Variants in IGFLR1 observed in about 807,000 individuals in gnomAD.
IGFLR1 encodes the protein IGF-like family receptor 1.
Under a neutral mutation model 23.4 loss-of-function variants are expected in IGFLR1, and 17 were observed. That is an observed-to-expected ratio of 0.73 (90% CI 0.50 to 1.09). IGFLR1 has a LOEUF of 1.09. IGFLR1 is among the 50% of genes least tolerant of loss of function. The probability of loss-of-function intolerance (pLI) is 0.00; values close to 1 mark genes in which losing one functional copy is unlikely to be tolerated. For synonymous variants in IGFLR1, 265 were observed against 210.7 expected (o/e 1.26, Z -2.23); for missense variants, 556 against 459.2 (o/e 1.21, Z -1.93).
In IGFLR1 at chr19:35,740,458, T is replaced by C. The variant is rs1336903173; in HGVS notation, c.264A>G (p.Leu88=). The C allele has an allele frequency of 1.2e-6, 2 of 1,612,846 alleles. No homozygotes were observed. The highest frequency in any genetic ancestry group is 8.5e-7 in the Non-Finnish European group (1 of 1,179,814). ...SGQCNPDGAE[L]CSPCGGGAVT... is the part of the protein sequence containing the mutation. ...CGGCTCCGCCGCCGCAGGGGCTACA[T>C]AGCTCCGCGCCGTCGGGGTTGCACT... Residue 88 remains leucine, a synonymous_variant, in exon 3 of 5, where the codon CTA becomes CTG. Transcript: ENST00000246532.
chr19:35,739,955 G>A lies in IGFLR1; in HGVS notation c.476C>T (p.Pro159Leu), dbSNP rs762564733. 6.2e-7 allele frequency: 1 copy of A among 1,614,154 alleles called. No homozygotes were observed. The highest frequency in any genetic ancestry group is 1.3e-5 in the African/African-American group (1 of 75,044). ...TPEPVPQQAW[P>L]NFLPLVVLVL... ...CAGCACCACGAGCGGAAGGAAATTC[G>A]GCCAGGCCTGCTGAGGGACAGGCTC... is the stretch of plus-strand genomic sequence containing the variant. The change falls in exon 4 of 5, where the codon CCG (proline) becomes CTG (leucine). Residue 159 changes from proline to leucine, a missense_variant. Coordinates refer to ENST00000246532, the MANE Select transcript of IGFLR1 (RefSeq NM_024660.4).
Position 35,739,786 on chromosome 19 carries a change from C to G in IGFLR1, c.645G>C (p.Ser215=), listed in dbSNP as rs191751735. The change falls in exon 4 of 5, where the codon TCG becomes TCC. Residue 215 remains serine, a synonymous_variant. Coordinates refer to ENST00000246532, the MANE Select transcript of IGFLR1 (RefSeq NM_024660.4). Reference sequence around the variant, plus strand: ...CCAGGGCGCCTGGGGAGGACAGATGCGAGGAGGAAGGGGTGTGGGTGTTGG... The same window carrying G: ...CCAGGGCGCCTGGGGAGGACAGATGGGAGGAGGAAGGGGTGTGGGTGTTGG... ...GVPNTHTPSS[S]HLSSPGALET... 26 of 1,572,992 alleles carry G rather than the reference C, an allele frequency of 1.7e-5. No homozygotes were observed. The highest frequency in any genetic ancestry group is 1.7e-4 in the Middle Eastern group (1 of 5,888).
chr19:35,740,549 T>C lies in IGFLR1; in HGVS notation c.173A>G (p.Glu58Gly). The part of the protein sequence containing the change: ...PPPCPDYEFR[E>G]NCGLNDHGDF... ...GCCGTGGTCATTGAGTCCGCAGTTT[T>C]CCCGGAACTCATAGTCTAGCGGGAA... is the stretch of plus-strand genomic sequence containing the variant. The change falls in exon 3 of 5, where the codon GAA becomes GGA. Residue 58 changes from glutamate to glycine, a missense_variant. Transcript: ENST00000246532. 6.2e-7 allele frequency: 1 copy of C among 1,607,330 alleles called. No homozygotes were observed.
In IGFLR1 at chr19:35,739,086, T is replaced by C. The variant is rs1349554059; in HGVS notation, c.*194A>G. ...AGCAGGGTTGTTTCCCAGAGGGGAT[T>C]CTGGTGGCCCAGAGGCACCTGGGGT... is the stretch of plus-strand genomic sequence containing the variant. On this transcript the variant is annotated 3_prime_UTR_variant, in exon 5 of 5. Transcript: ENST00000246532. The C allele has an allele frequency of 6.7e-6, 4 of 597,144 alleles. No homozygotes were observed. The highest frequency in any genetic ancestry group is 1.2e-5 in the Non-Finnish European group (4 of 342,492). The allele number at this position is 597,144 out of a possible 1,614,324, so 37.0% of individuals were successfully genotyped here.
chr19:35,739,638 G>A lies in IGFLR1; in HGVS notation c.722-12C>T, dbSNP rs373247998. ...CAGACTGGACAGTTCTGGAAGAAAG[G>A]GGAAGGGTAAAGGTGCGGAAGAGCG... On this transcript the variant is annotated splice_polypyrimidine_tract_variant and intron_variant, in intron 4 of 4. Coordinates refer to ENST00000246532, the MANE Select transcript of IGFLR1 (RefSeq NM_024660.4). 1.2e-4 allele frequency: 192 copies of A among 1,603,542 alleles called. No homozygotes were observed. Among genetic ancestry groups the A allele is most frequent in the Admixed American group, 5.0e-4 (30 of 59,572 alleles).
intron 1 of IGFLR1, chr19:35,741,548 G>C (rs993048912): frequency 4.0e-6 from 1 of 251,862 alleles, no homozygotes; most frequent in African/African-American, 2.4e-5. Flanking sequence ...GCTGGGTGTG[G>C]TGGCTCATGC....
chr19:35,740,476 G>C lies in IGFLR1; in HGVS notation c.246C>G (p.Asn82Lys), dbSNP rs1970149567. The change falls in exon 3 of 5, where the codon AAC becomes AAG. Residue 82 changes from asparagine (N) to lysine (K), a missense_variant. Transcript: ENST00000246532. ...GGCTACATAGCTCCGCGCCGTCGGG[G>C]TTGCACTGCCCAGAAGAACACTTTC... ...PFRKCSSGQC[N>K]PDGAELCSPC... is the part of the protein sequence containing the mutation. 1 of 1,612,950 alleles carries C rather than the reference G, an allele frequency of 6.2e-7. No homozygotes were observed. The highest frequency in any genetic ancestry group is 1.7e-5 in the Admixed American group (1 of 59,978).
intron 1 of IGFLR1, among the ~76,000 whole-genome samples, chr19:35,742,182 A>G (rs1014176156): frequency 1.3e-5 from 2 of 152,212 alleles, no homozygotes; most frequent in African/African-American, 4.8e-5. Context: ...AGTGTAAGGC[A>G]TTACTAACTC....
chr19:35,741,817 A>AAAAAAAACTGGCCG (rs1970258113), intron 1 of IGFLR1, among the ~76,000 whole-genome samples: 1 of 148,930 alleles, frequency 6.7e-6, no homozygotes, highest in South Asian at 2.1e-4. Flanking sequence ...CTCTAAAAAC[A>AAAAAAAACTGGCCG]AAAAAAACTG....
chr19:35,740,807 T>C (rs1469449514), intron 2 of IGFLR1: 36 of 639,672 alleles, frequency 5.6e-5, no homozygotes, highest in Non-Finnish European at 9.3e-5. Context: ...ACGCGGCCCC[T>C]ATCCCGCCTC....
chr19:35,741,407 T>G, intron 1 of IGFLR1, 184 bp from the exon 2 acceptor site: 1 of 596,472 alleles, frequency 1.7e-6, no homozygotes, highest in Non-Finnish European at 3.0e-6. Flanking sequence ...ATTGCAAGAA[T>G]GCATATCCCA....
intron 2 of IGFLR1, chr19:35,740,799 G>T: frequency 1.6e-6 from 1 of 631,564 alleles, no homozygotes; most frequent in African/African-American, 1.8e-5. Flanking sequence ...CCCTTTCCAC[G>T]CGGCCCCTAT....
chr19:35,739,627 C>A lies in IGFLR1; in HGVS notation c.722-1G>T, dbSNP rs369993907. 6.2e-7 allele frequency: 1 copy of A among 1,606,408 alleles called. No individual in the cohort carries two copies. Among genetic ancestry groups the A allele is most frequent in the African/African-American group, 1.3e-5 (1 of 74,758 alleles). Reference sequence around the variant, plus strand: ...GGTTGTGACGCCAGACTGGACAGTTCTGGAAGAAAGGGGAAGGGTAAAGGT... The same window carrying A: ...GGTTGTGACGCCAGACTGGACAGTTATGGAAGAAAGGGGAAGGGTAAAGGT... On this transcript the variant is annotated splice_acceptor_variant, in intron 4 of 4. Transcript: ENST00000246532. LOFTEE classifies it high-confidence loss of function.
Position 35,739,309 on chromosome 19 carries a change from G to T in IGFLR1, c.1039C>A (p.Leu347Ile). Residue 347 changes from leucine to isoleucine, a missense_variant, in exon 5 of 5, where the codon CTT becomes ATT. Transcript: ENST00000246532. ...GCCCAGCAAACCCCAGATGAGCCAA[G>T]CTTGGACAGCACCCGCAATGCATCT... is the stretch of plus-strand genomic sequence containing the variant. ...RADALRVLSK[L>I]GSSGVCWA 1 of 1,604,264 alleles carries T rather than the reference G, an allele frequency of 6.2e-7. No individual in the cohort carries two copies. Among genetic ancestry groups the T allele is most frequent in the East Asian group, 2.2e-5 (1 of 44,558 alleles).
chr19:35,740,373 T>C lies in IGFLR1; in HGVS notation c.342+7A>G. 1.3e-6 allele frequency: 2 copies of C among 1,578,040 alleles called. No homozygotes were observed. The highest frequency in any genetic ancestry group is 2.3e-5 in the South Asian group (2 of 87,416). On this transcript the variant is annotated splice_region_variant and intron_variant, in intron 3 of 4. Coordinates refer to ENST00000246532, the MANE Select transcript of IGFLR1 (RefSeq NM_024660.4). ...CGCCCTTGCCCTGCCGGGAGTCCCATCTGCACCTCTCTGCAGCGCCACGGG... is the reference window on the plus strand; with the variant it reads ...CGCCCTTGCCCTGCCGGGAGTCCCACCTGCACCTCTCTGCAGCGCCACGGG...
Position 35,739,768 on chromosome 19 carries a change from G to A in IGFLR1, c.663C>T (p.Gly221=), listed in dbSNP as rs377303186. The A allele has an allele frequency of 7.0e-6, 11 of 1,560,668 alleles. No individual in the cohort carries two copies. In the African/African-American group the frequency reaches 1.2e-4, roughly 17 times the overall value. ...TPSSSHLSSP[G]ALETGDTWKE... The stretch of plus-strand genomic sequence containing the variant: ...TCCATGTGTCCCCTGTCTCCAGGGC[G>A]CCTGGGGAGGACAGATGCGAGGAGG... The change falls in exon 4 of 5, where the codon GGC becomes GGT. Residue 221 remains glycine, a synonymous_variant. Transcript: ENST00000246532.
rs1336903173 is a variant in IGFLR1 at position 35,740,458 on chromosome 19, T to G, written c.264A>C (p.Leu88=). The change falls in exon 3 of 5, where the codon CTA becomes CTC. Residue 88 remains leucine (L), a synonymous_variant. Transcript: ENST00000246532. Reference sequence around the variant, plus strand: ...CGGCTCCGCCGCCGCAGGGGCTACATAGCTCCGCGCCGTCGGGGTTGCACT... The same window carrying G: ...CGGCTCCGCCGCCGCAGGGGCTACAGAGCTCCGCGCCGTCGGGGTTGCACT... The part of the protein sequence containing the change: ...SGQCNPDGAE[L]CSPCGGGAVT... 1 of 1,612,728 alleles carries G rather than the reference T, an allele frequency of 6.2e-7. No individual in the cohort carries two copies. The highest frequency in any genetic ancestry group is 2.2e-5 in the East Asian group (1 of 44,866).
Position 35,740,325 on chromosome 19 carries a change from A to G in IGFLR1, c.342+55T>C, listed in dbSNP as rs186748388. ...ACGTGGGGCTACGCCGGCTCCCTAC[A>G]TCTAGGCCCCCCACCTCCAGCACGC... On this transcript the variant is annotated intron_variant, in intron 3 of 4. Transcript: ENST00000246532. 6 of 1,488,260 alleles carry G rather than the reference A, an allele frequency of 4.0e-6. No homozygotes were observed. The African/African-American group carries it at 7.0e-5, about 17-fold the overall frequency. The allele number at this position is 1,488,260 out of a possible 1,614,324, so 92.2% of individuals were successfully genotyped here.
chr19:35,739,318 G>A lies in IGFLR1; in HGVS notation c.1030C>T (p.Leu344=), dbSNP rs200212512. The A allele has an allele frequency of 2.5e-6, 4 of 1,606,690 alleles. No homozygotes were observed. The highest frequency in any genetic ancestry group is 1.1e-5 in the South Asian group (1 of 90,262). The change falls in exon 5 of 5, where the codon CTG becomes TTG. Residue 344 remains leucine, a synonymous_variant. Coordinates refer to ENST00000246532, the MANE Select transcript of IGFLR1 (RefSeq NM_024660.4). ...ACCCCAGATGAGCCAAGCTTGGACA[G>A]CACCCGCAATGCATCTGCCCGCCCT... ...QLGRADALRV[L]SKLGSSGVCW...
Sources: gnomAD v4.1 joint callset for allele counts (sites outside exome capture counted in the v4.1 genomes callset) on GRCh38, gnomAD v4.1.1 for gene constraint, MANE v1.5 for transcripts, NCBI Gene and HGNC (gene_info 2026-07-23, HGNC 2026-07-21) for gene names.